Variants in GALNT2 observed in about 807,000 individuals in gnomAD.
The protein encoded by GALNT2 is UDP-GalNAc:polypeptide N-acetylgalactosaminyltransferase 2.
Under a neutral mutation model 81.4 loss-of-function variants are expected in GALNT2, and 31 were observed. The ratio of observed to expected loss-of-function variants is 0.38; its 90% confidence interval spans 0.29 to 0.51. The LOEUF is 0.51. Among genes scored for constraint, GALNT2 ranks in the 20% least tolerant of loss-of-function variants. The pLI is 0.87. For synonymous variants in GALNT2, 303 were observed against 287.4 expected (o/e 1.05, Z -0.55); for missense variants, 629 against 765.7 (o/e 0.82, Z 2.11).
chr1:230,125,323 A>G (rs1261370366), intron 1 of GALNT2, among the ~76,000 whole-genome samples: 2 of 152,190 alleles, frequency 1.3e-5, no homozygotes, highest in Non-Finnish European at 2.9e-5. Context: ...CTGTGGGGAG[A>G]AAGAAGGAAT....
chr1:230,255,069 G>A (rs1572143455), intron 10 of GALNT2, 149 bp from the exon 11 acceptor site: 2 of 1,065,240 alleles, frequency 1.9e-6, no homozygotes, highest in South Asian at 1.4e-5. Context: ...GAAGGAGGAA[G>A]GTCCTTATCA....
intron 1 of GALNT2, among the ~76,000 whole-genome samples, chr1:230,075,454 G>A (rs935489460): frequency 7.2e-5 from 11 of 152,124 alleles, no homozygotes; most frequent in Non-Finnish European, 1.3e-4. Flanking sequence ...TTGCTCCATG[G>A]AATTTGTGTT....
At chr1:230,239,427 C>T (rs912600545) in intron 6 of GALNT2, among the ~76,000 whole-genome samples, 1 of 152,198 alleles carries the variant, frequency 6.6e-6, no homozygotes, top group Non-Finnish European at 1.5e-5. Flanking sequence ...AGTGGGGAAG[C>T]TGACAGTTCA....
intron 2 of GALNT2, among the ~76,000 whole-genome samples, chr1:230,194,839 G>A (rs1663637750): frequency 1.3e-5 from 2 of 152,232 alleles, no homozygotes; most frequent in South Asian, 4.1e-4. Context: ...ATAGAGGGGA[G>A]CAGAGAGAGC....
At chr1:230,062,681 G>A (rs190974438), upstream of GALNT2, among the ~76,000 whole-genome samples, 39 of 152,258 alleles carry the variant, frequency 2.6e-4, no homozygotes, top group African/African-American at 8.9e-4. Context: ...TCTGGTATGT[G>A]TTAGAATTTT....
intron 1 of GALNT2, among the ~76,000 whole-genome samples, chr1:230,078,871 A>G (rs903111618): frequency 6.6e-6 from 1 of 152,166 alleles, no homozygotes; most frequent in African/African-American, 2.4e-5. Flanking sequence ...TGGCATGATC[A>G]TGATCATAGC....
chr1:230,167,445 C>T (rs1332996919), intron 1 of GALNT2, among the ~76,000 whole-genome samples: 1 of 152,210 alleles, frequency 6.6e-6, no homozygotes, highest in Non-Finnish European at 1.5e-5. Context: ...CCACTCCCAG[C>T]ATGGAGCCAG....
intron 8 of GALNT2, among the ~76,000 whole-genome samples, chr1:230,247,855 A>C (rs902071655): frequency 6.6e-6 from 1 of 152,182 alleles, no homozygotes; most frequent in Non-Finnish European, 1.5e-5. Flanking sequence ...CAAATTAATA[A>C]AATAAATAAT....
At chr1:230,273,353 C>G (rs1010263036) in intron 14 of GALNT2, among the ~76,000 whole-genome samples, 1 of 152,140 alleles carries the variant, frequency 6.6e-6, no homozygotes, top group Non-Finnish European at 1.5e-5. Flanking sequence ...TGGGACAGAC[C>G]GATAGAAAGA....
chr1:230,269,358 G>A (rs560975222), intron 14 of GALNT2, among the ~76,000 whole-genome samples: 7 of 152,008 alleles, frequency 4.6e-5, no homozygotes, highest in Non-Finnish European at 7.4e-5. Context: ...GCTAATTTTT[G>A]TATGTTTAGT....
In GALNT2 at chr1:230,116,501, T is replaced by G. The variant is rs568849013; in HGVS notation, c.126+49095T>G. On this transcript the variant is annotated intron_variant, in intron 1 of 15. Coordinates refer to ENST00000366672, the MANE Select transcript of GALNT2 (RefSeq NM_004481.5). ...CCTCGGCCTCCCAAAGTGCTGAGAT[T>G]ACAGGCGTGAGCCACTGTGCCTGGC... Among the ~76,000 whole-genome samples the G allele has an allele frequency of 1.9e-3, 288 of 152,344 alleles. 7 individuals carry two copies. The highest frequency in any genetic ancestry group is 0.017 in the Admixed American group (267 of 15,306).
rs751412006 is a variant in GALNT2, at chr1:230,243,265, G to A, written c.608-41G>A. ...TGGCATGGGGTTGTGCTGGCCCTGTGGCTTCTCTCTCCTGACGTGCTTTCC... is the reference window on the plus strand; with the variant it reads ...TGGCATGGGGTTGTGCTGGCCCTGTAGCTTCTCTCTCCTGACGTGCTTTCC... On this transcript the variant is annotated intron_variant, in intron 6 of 15. Coordinates refer to ENST00000366672, the MANE Select transcript of GALNT2 (RefSeq NM_004481.5). The surrounding 1 kb of genome is among the most constrained non-coding windows in gnomAD (Gnocchi z 4.2). 3.8e-6 allele frequency: 6 copies of A among 1,561,800 alleles called. No homozygotes were observed. In the South Asian group the frequency reaches 4.6e-5, roughly 12 times the overall value.
chr1:230,190,356 G>C (rs74143121), intron 2 of GALNT2, among the ~76,000 whole-genome samples: 3,495 of 152,276 alleles, frequency 0.023, 135 homozygotes, highest in African/African-American at 0.079. Context: ...CATGGGATGC[G>C]CCAAGACCCA....
At chr1:230,217,676 T>C (rs886514180) in intron 3 of GALNT2, among the ~76,000 whole-genome samples, 1 of 152,230 alleles carries the variant, frequency 6.6e-6, no homozygotes, top group Non-Finnish European at 1.5e-5. Flanking sequence ...TCACATTGTC[T>C]GGTGAGAATC....
At chr1:230,156,202 C>G (rs1348522956) in intron 1 of GALNT2, among the ~76,000 whole-genome samples, 1 of 126,418 alleles carries the variant, frequency 7.9e-6, no homozygotes, top group Non-Finnish European at 1.7e-5. Flanking sequence ...GATGGGGGAG[C>G]AGACGAGGGA....
chr1:230,196,066 A>T (rs1663686675), intron 2 of GALNT2, among the ~76,000 whole-genome samples: 1 of 152,152 alleles, frequency 6.6e-6, no homozygotes. Flanking sequence ...GTGGATCAGC[A>T]CTCATTTACT....
intron 1 of GALNT2, among the ~76,000 whole-genome samples, chr1:230,097,011 T>C (rs1001755470): frequency 6.6e-6 from 1 of 152,160 alleles, no homozygotes; most frequent in Non-Finnish European, 1.5e-5. Context: ...TAAGTTACTG[T>C]CCAAAGCTAC....
Position 230,067,392 on chromosome 1 carries a change from G to C in GALNT2, c.112G>C (p.Gly38Arg). The stretch of plus-strand genomic sequence containing the variant: ...TGCGCTGGCCGGGGGCGCGGGCGGC[G>C]GCGCCGGCAGGAAGGTGAGTGGAGC... ...GSALAGGAGG[G>R]AGRKEDWNEI... is the part of the protein sequence containing the mutation. Residue 38 changes from glycine (G) to arginine (R), a missense_variant, in exon 1 of 16, where the codon GGC becomes CGC. Around this residue, in one of 3 missense-constraint regions of GALNT2, gnomAD observed 360 missense variants for 492.8 expected, o/e 0.73. Transcript: ENST00000366672. 8.0e-7 allele frequency: 1 copy of C among 1,257,650 alleles called. No individual in the cohort carries two copies. Among genetic ancestry groups the C allele is most frequent in the African/African-American group, 1.6e-5 (1 of 63,272 alleles). 77.9% of individuals were successfully genotyped at this position (1,257,650 alleles called of 1,614,324 possible).
intron 3 of GALNT2, 84 bp downstream of exon 3, chr1:230,203,374 T>C: frequency 6.9e-7 from 1 of 1,454,416 alleles, no homozygotes; most frequent in Non-Finnish European, 9.5e-7. Context: ...ACACTAGAAC[T>C]TCTCCATTAC....
Sources: allele counts gnomAD v4.1 joint callset (sites outside exome capture counted in the v4.1 genomes callset), GRCh38; gene constraint gnomAD v4.1.1; regional missense constraint gnomAD v4.1.1; non-coding constraint Gnocchi (gnomAD v3.1); transcripts MANE v1.5; gene names NCBI Gene and HGNC (gene_info 2026-07-23, HGNC 2026-07-21).